CRYBG1: variants seen among roughly 807,000 people sequenced by gnomAD.
CRYBG1 encodes crystallin beta-gamma domain containing 1, also known as beta/gamma crystallin domain-containing protein 1.
In CRYBG1, 139 loss-of-function variants were observed where a neutral mutation model predicts 189.2. The observed-to-expected ratio is 0.73, with a 90% CI of 0.64 to 0.85. CRYBG1 has a LOEUF of 0.85. Among genes scored for constraint, CRYBG1 ranks in the 40% least tolerant of loss-of-function variants. CRYBG1 has a pLI of 0.00. For missense variants in CRYBG1, 2,611 were observed against 2,675.8 expected (o/e 0.98, Z 0.53); for synonymous variants, 1,023 against 1,017.1 (o/e 1.01, Z -0.11).
At chr6:106,456,369 C>T (rs1771889506) in intron 2 of CRYBG1, among the ~76,000 whole-genome samples, 1 of 150,724 alleles carries the variant, frequency 6.6e-6, no homozygotes, top group African/African-American at 2.5e-5. Flanking sequence ...ACCATATTGG[C>T]CAGGCTGGTC....
intron 2 of CRYBG1, among the ~76,000 whole-genome samples, chr6:106,484,884 AG>A (rs1772564751): frequency 6.6e-6 from 1 of 152,096 alleles, no homozygotes; most frequent in African/African-American, 2.4e-5. Context: ...CCGGCCACTC[AG>A]GAGGCTGAGG....
chr6:106,561,300 A>G, intron 19 of CRYBG1, 42 bp from the exon 20 acceptor site: 1 of 1,600,234 alleles, frequency 6.2e-7, no homozygotes, highest in Non-Finnish European at 8.5e-7. Flanking sequence ...TGCTTCCAGC[A>G]GCACATCTGG....
intron 2 of CRYBG1, among the ~76,000 whole-genome samples, chr6:106,496,087 C>T (rs192205281): frequency 2.1e-4 from 32 of 152,284 alleles, no homozygotes; most frequent in African/African-American, 7.5e-4. Context: ...TTATGTATTG[C>T]ACATACTTTC....
rs1774766587 is a variant in CRYBG1 at position 106,562,883 on chromosome 6, G to A, written c.6139-881G>A. On this transcript the variant is annotated intron_variant, in intron 20 of 21. Coordinates refer to ENST00000633556, the MANE Select transcript of CRYBG1 (RefSeq NM_001371242.2). The stretch of plus-strand genomic sequence containing the variant: ...GCTCTGTTGCCCAGGCTGGAGTGTA[G>A]TGGTGCAATCACAGCTCACTGTAGC... 2.6e-5 allele frequency among the ~76,000 whole-genome samples: 4 copies of A among 152,206 alleles called. No homozygotes were observed. The South Asian group carries it at 8.3e-4, about 31-fold the overall frequency.
Position 106,517,331 on chromosome 6 carries a change from CAT to C in CRYBG1, c.1923-1790_1923-1789del, listed in dbSNP as rs1291399490. On this transcript the variant is annotated intron_variant, in intron 3 of 21. Coordinates refer to ENST00000633556, the MANE Select transcript of CRYBG1 (RefSeq NM_001371242.2). ...ACACACACACACATATATATATACA[CAT>C]ATATATATACACACACATATATATA... 2.3e-4 allele frequency among the ~76,000 whole-genome samples: 27 copies of C among 118,840 alleles called. 1 individual carries two copies. Among genetic ancestry groups the C allele is most frequent in the East Asian group, 1.8e-3 (8 of 4,490 alleles). The allele number at this position is 118,840 out of a possible 152,430, so 78.0% of individuals were successfully genotyped here. A position where few individuals can be genotyped will look rare whatever the true frequency, so the allele number is the denominator to read the frequency against.
Position 106,512,049 on chromosome 6 carries a change from AG to A in CRYBG1, c.934del (p.Ala312ProfsTer65), listed in dbSNP as rs1773276645. 4 of 1,532,220 alleles carry A rather than the reference AG, an allele frequency of 2.6e-6. No homozygotes were observed. In the African/African-American group the frequency reaches 4.1e-5, roughly 16 times the overall value. 94.9% of individuals were successfully genotyped at this position (1,532,220 alleles called of 1,614,324 possible). A position where few individuals can be genotyped will look rare whatever the true frequency, so the allele number is the denominator to read the frequency against. ...TQERPAGGLG[E>X]APNGAPSVCA... Reference sequence around the variant, plus strand: ...GAGCGGCCCGCGGGAGGACTAGGCGAGGCCCCTAACGGAGCCCCCAGTGTGT... The same window carrying A: ...GAGCGGCCCGCGGGAGGACTAGGCGAGCCCCTAACGGAGCCCCCAGTGTGT... On this transcript the variant is annotated frameshift_variant, in exon 3 of 22. Transcript: ENST00000633556. LOFTEE classifies it high-confidence loss of function.
chr6:106,490,499 G>A (rs1772696424), intron 2 of CRYBG1, among the ~76,000 whole-genome samples: 2 of 152,204 alleles, frequency 1.3e-5, no homozygotes, highest in African/African-American at 4.8e-5. Context: ...CAGAAGATTT[G>A]TAGGGCCCTA....
At chr6:106,367,302 T>C (rs958674261) in intron 1 of CRYBG1, among the ~76,000 whole-genome samples, 2 of 152,044 alleles carry the variant, frequency 1.3e-5, no homozygotes, top group African/African-American at 4.8e-5. Flanking sequence ...TTTAAAAAAA[T>C]ATTGGGCCAG....
chr6:106,423,796 C>A lies in CRYBG1; in HGVS notation c.174-27898C>A, dbSNP rs543428549. On this transcript the variant is annotated intron_variant, in intron 1 of 21. Coordinates refer to ENST00000633556, the MANE Select transcript of CRYBG1 (RefSeq NM_001371242.2). Reference sequence around the variant, plus strand: ...TCACGGCTCACTGCAGCCTCAGTCTCCGGGGTTCAAGTGATCCTCCTGCCT... The same window carrying A: ...TCACGGCTCACTGCAGCCTCAGTCTACGGGGTTCAAGTGATCCTCCTGCCT... Among the ~76,000 whole-genome samples the A allele has an allele frequency of 2.1e-5, 3 of 145,060 alleles. No homozygotes were observed. In the South Asian group the frequency reaches 6.9e-4, roughly 33 times the overall value.
chr6:106,538,244 A>C lies in CRYBG1; in HGVS notation c.4719-1159A>C, dbSNP rs1051522190. 2.0e-5 allele frequency among the ~76,000 whole-genome samples: 3 copies of C among 152,222 alleles called. No homozygotes were observed. In the South Asian group the frequency reaches 6.2e-4, roughly 31 times the overall value. Reference sequence around the variant, plus strand: ...CACCTTCTCAGAACCCTTCCCAGGAACGAAGATGTTTACAAGAAGACCTTG... The same window carrying C: ...CACCTTCTCAGAACCCTTCCCAGGACCGAAGATGTTTACAAGAAGACCTTG... On this transcript the variant is annotated intron_variant, in intron 8 of 21. Coordinates refer to ENST00000633556, the MANE Select transcript of CRYBG1 (RefSeq NM_001371242.2).
At chr6:106,501,972 C>T (rs768242392) in intron 2 of CRYBG1, among the ~76,000 whole-genome samples, 24 of 152,126 alleles carry the variant, frequency 1.6e-4, no homozygotes, top group Non-Finnish European at 3.2e-4. Context: ...AGCTAGAGTC[C>T]GTGCTGTGTT....
At chr6:106,392,792 GT>G (rs763028952) in intron 1 of CRYBG1, among the ~76,000 whole-genome samples, 384 of 151,972 alleles carry the variant, frequency 2.5e-3, no homozygotes, top group Non-Finnish European at 3.6e-3. Context: ...TTGAGACAGA[GT>G]TTTGCTGTAT....
At chr6:106,416,218 C>CT (rs755980148) in intron 1 of CRYBG1, among the ~76,000 whole-genome samples, 4 of 152,234 alleles carry the variant, frequency 2.6e-5, no homozygotes, top group Non-Finnish European at 4.4e-5. Flanking sequence ...ACCACTCCCA[C>CT]TGTGGACCCA....
Position 106,379,950 on chromosome 6 carries a change from G to A in CRYBG1, c.173+18869G>A, listed in dbSNP as rs546793795. Among the ~76,000 whole-genome samples, 21 of 152,294 alleles carry A rather than the reference G, an allele frequency of 1.4e-4. 1 individual carries two copies. The South Asian group carries it at 3.9e-3, about 29-fold the overall frequency. On this transcript the variant is annotated intron_variant, in intron 1 of 21. Coordinates refer to ENST00000633556, the MANE Select transcript of CRYBG1 (RefSeq NM_001371242.2). Reference sequence around the variant, plus strand: ...AATTTTAATATAATAAATTCTATATGTAGAAAATAATGGATTGTTGTTAGT... The same window carrying A: ...AATTTTAATATAATAAATTCTATATATAGAAAATAATGGATTGTTGTTAGT...
intron 2 of CRYBG1, among the ~76,000 whole-genome samples, chr6:106,483,378 G>GTGTGTGTGTGTATATA (rs1347885031): frequency 9.7e-5 from 11 of 113,804 alleles, no homozygotes; most frequent in African/African-American, 2.7e-4. Flanking sequence ...GTGTGTGTGT[G>GTGTGTGTGTGTATATA]TATATATATA....
At chr6:106,410,289 G>T (rs989956735) in intron 1 of CRYBG1, among the ~76,000 whole-genome samples, 1 of 152,158 alleles carries the variant, frequency 6.6e-6, no homozygotes, top group African/African-American at 2.4e-5. Context: ...ATTATCACTG[G>T]TCATTAGAGA....
chr6:106,522,602 C>G (rs535919487), intron 4 of CRYBG1, among the ~76,000 whole-genome samples: 5 of 152,262 alleles, frequency 3.3e-5, no homozygotes, highest in African/African-American at 9.6e-5. Flanking sequence ...GTTTAGTGAT[C>G]AGCTCTGCCA....
At chr6:106,405,630 G>C (rs1039172478) in intron 1 of CRYBG1, among the ~76,000 whole-genome samples, 9 of 152,220 alleles carry the variant, frequency 5.9e-5, no homozygotes, top group Non-Finnish European at 1.0e-4. Context: ...CCTCATACAG[G>C]AGAGCTCTGG....
At chr6:106,433,021 A>G (rs1771364512) in intron 1 of CRYBG1, among the ~76,000 whole-genome samples, 1 of 151,740 alleles carries the variant, frequency 6.6e-6, no homozygotes, top group Admixed American at 6.6e-5. Flanking sequence ...TCATATTTTT[A>G]GTAGAGAAGG....
Sources: allele counts gnomAD v4.1 joint callset (sites outside exome capture counted in the v4.1 genomes callset), GRCh38; gene constraint gnomAD v4.1.1; transcripts MANE v1.5; gene names NCBI Gene and HGNC (gene_info 2026-07-23, HGNC 2026-07-21).